The following HIVEP3 variants were observed in gnomAD, a reference collection of about 807,000 sequenced individuals.
HIVEP3 encodes transcription factor HIVEP3.
HIVEP3 carries 49 observed loss-of-function variants against 152.8 expected under a neutral mutation model. The ratio of observed to expected loss-of-function variants is 0.32; its 90% CI spans 0.26 to 0.41. The LOEUF (loss-of-function observed/expected upper bound fraction) is 0.41. HIVEP3 is among the 10% of genes least tolerant of loss of function. The pLI, the probability that HIVEP3 is intolerant of heterozygous loss-of-function variation, is 1.00. For synonymous variants in HIVEP3, 1,269 were observed against 1,289.0 expected (o/e 0.98, Z 0.33); for missense variants, 2,790 against 3,103.3 (o/e 0.90, Z 2.40).
chr1:41,645,736 A>C (rs184492511), intron 2 of HIVEP3, among the ~76,000 whole-genome samples: 26 of 152,348 alleles, frequency 1.7e-4, no homozygotes, highest in Non-Finnish European at 2.6e-4. Flanking sequence ...CAGTAAATAC[A>C]TGCTGGGCTA....
At chr1:41,600,428 C>G (rs1205917476) in intron 3 of HIVEP3, among the ~76,000 whole-genome samples, 1 of 152,144 alleles carries the variant, frequency 6.6e-6, no homozygotes, top group Non-Finnish European at 1.5e-5. Flanking sequence ...AACTTGATGA[C>G]ATTATGCTAA....
chr1:41,745,208 C>T (rs973053812), intron 1 of HIVEP3, among the ~76,000 whole-genome samples: 9 of 152,326 alleles, frequency 5.9e-5, no homozygotes, highest in South Asian at 2.1e-4. Context: ...CTAAGTCTGC[C>T]GTGTCCTTTC....
chr1:41,571,021 G>T (rs1156915017), intron 5 of HIVEP3, among the ~76,000 whole-genome samples: 1 of 152,150 alleles, frequency 6.6e-6, no homozygotes, highest in Non-Finnish European at 1.5e-5. Context: ...AGTGGCAATG[G>T]CTGGAGTGAG....
chr1:41,972,766 C>T (rs1307620184), intron 1 of HIVEP3, among the ~76,000 whole-genome samples: 2 of 152,128 alleles, frequency 1.3e-5, no homozygotes, highest in Non-Finnish European at 2.9e-5. Flanking sequence ...TCTTCACATC[C>T]ACAGGCCTGG....
chr1:41,970,361 A>G (rs1645222157), intron 1 of HIVEP3, among the ~76,000 whole-genome samples: 1 of 152,260 alleles, frequency 6.6e-6, no homozygotes, highest in Non-Finnish European at 1.5e-5. Flanking sequence ...GCAGCCATAA[A>G]AAGGTATGAG....
At chr1:41,574,731 G>A (rs1298128807) in intron 5 of HIVEP3, among the ~76,000 whole-genome samples, 1 of 152,190 alleles carries the variant, frequency 6.6e-6, no homozygotes, top group Non-Finnish European at 1.5e-5. Flanking sequence ...GGGCTGTGCA[G>A]GACCAGGCCA....
chr1:41,594,151 T>C (rs1073197), intron 3 of HIVEP3, among the ~76,000 whole-genome samples: 116,524 of 152,226 alleles, frequency 0.77, 45,465 homozygotes, highest in East Asian at 0.98. Context: ...GTTTCCAGGG[T>C]TTAGAATGTG....
chr1:42,026,855 A>G (rs993499966), intron 1 of HIVEP3, among the ~76,000 whole-genome samples: 3 of 152,190 alleles, frequency 2.0e-5, no homozygotes, highest in Admixed American at 6.5e-5. Flanking sequence ...CAGCTTTTTC[A>G]TGTCAGGGTG....
intron 5 of HIVEP3, among the ~76,000 whole-genome samples, chr1:41,531,632 C>CAG (rs745789828): frequency 6.5e-4 from 8 of 12,216 alleles, no homozygotes; most frequent in African/African-American, 1.4e-3. Flanking sequence ...AGATGGAAGA[C>CAG]GGGAGATGGA....
intron 1 of HIVEP3, among the ~76,000 whole-genome samples, chr1:42,013,417 T>C (rs1335136444): frequency 1.3e-5 from 2 of 152,222 alleles, no homozygotes; most frequent in African/African-American, 4.8e-5. Flanking sequence ...GCTTTTGATG[T>C]TCAAGCCCAA....
chr1:41,708,233 C>T (rs183210682), intron 1 of HIVEP3, among the ~76,000 whole-genome samples: 26 of 152,324 alleles, frequency 1.7e-4, no homozygotes, highest in Admixed American at 1.4e-3. Flanking sequence ...GATTGTACAT[C>T]GTTTACCTCC....
chr1:41,766,525 G>A (rs1242405365), intron 1 of HIVEP3, among the ~76,000 whole-genome samples: 5 of 152,310 alleles, frequency 3.3e-5, no homozygotes, highest in Admixed American at 6.5e-5. Context: ...TCACCACCAC[G>A]GTATGAGACA....
chr1:41,544,254 C>G (rs1022605876), intron 5 of HIVEP3: 1 of 152,058 alleles, frequency 6.6e-6, no homozygotes, highest in Non-Finnish European at 1.5e-5. Context: ...TCCTCTAGCA[C>G]TACAGTGCAT....
At chr1:41,594,106 C>A (rs1444972242) in intron 3 of HIVEP3, among the ~76,000 whole-genome samples, 1 of 152,240 alleles carries the variant, frequency 6.6e-6, no homozygotes, top group East Asian at 1.9e-4. Context: ...ATCACATCTA[C>A]AAATTATCTT....
intron 5 of HIVEP3, among the ~76,000 whole-genome samples, chr1:41,525,500 G>A (rs1174003262): frequency 6.6e-6 from 1 of 152,180 alleles, no homozygotes; most frequent in Non-Finnish European, 1.5e-5. Context: ...AGCCTGTCCA[G>A]TCTGCCAGGA....
chr1:41,631,807 T>C (rs1645199324), intron 2 of HIVEP3, among the ~76,000 whole-genome samples: 1 of 152,126 alleles, frequency 6.6e-6, no homozygotes, highest in Admixed American at 6.6e-5. Flanking sequence ...TCCAATAGAT[T>C]GCAGTTATTA....
intron 1 of HIVEP3, among the ~76,000 whole-genome samples, chr1:41,787,917 T>A (rs184587315): frequency 6.6e-6 from 1 of 150,816 alleles, no homozygotes; most frequent in East Asian, 2.0e-4. Context: ...GGGAGGGGGG[T>A]GTGGATGTCC....
At chr1:41,694,503 T>C (rs936912030) in intron 2 of HIVEP3, among the ~76,000 whole-genome samples, 1 of 152,186 alleles carries the variant, frequency 6.6e-6, no homozygotes, top group African/African-American at 2.4e-5. Flanking sequence ...GAAAGCTAAT[T>C]GTGAAATGAA....
Position 41,781,211 on chromosome 1 carries a change from AT to A in HIVEP3, c.-800-80217del, listed in dbSNP as rs1411867478. On this transcript the variant is annotated intron_variant, in intron 1 of 8. Transcript: ENST00000372583. ...GTAAAATCCATGCTTGGACCAGACC[AT>A]GCCTGAAGGGGTCCCTATCTTACCA... Among the ~76,000 whole-genome samples, 9 of 152,278 alleles carry A rather than the reference AT, an allele frequency of 5.9e-5. No homozygotes were observed. In the South Asian group the frequency reaches 1.9e-3, roughly 32 times the overall value.
Sources: gnomAD v4.1 joint callset for allele counts (sites outside exome capture counted in the v4.1 genomes callset) on GRCh38, gnomAD v4.1.1 for gene constraint, MANE v1.5 for transcripts, NCBI Gene and HGNC (gene_info 2026-07-23, HGNC 2026-07-21) for gene names.